Variants in CAMK4 observed in about 807,000 individuals in gnomAD.
CAMK4 encodes calcium/calmodulin-dependent protein kinase type IV.
In CAMK4, 22 loss-of-function variants were observed where a neutral mutation model predicts 44.9. The ratio of observed to expected loss-of-function variants is 0.49; its 90% confidence interval spans 0.35 to 0.70. The LOEUF (loss-of-function observed/expected upper bound fraction) is 0.70, where lower values mean the gene tolerates loss of function less well. Ranked by LOEUF, CAMK4 falls within the 30% of genes least tolerant of loss-of-function variation. The pLI is 0.01. For missense variants in CAMK4, 498 were observed against 586.8 expected (o/e 0.85, Z 1.56); for synonymous variants, 218 against 215.4 (o/e 1.01, Z -0.11).
At chr5:111,480,715 T>C (rs938095990) in intron 9 of CAMK4, among the ~76,000 whole-genome samples, 9 of 152,310 alleles carry the variant, frequency 5.9e-5, no homozygotes, top group African/African-American at 1.9e-4. Flanking sequence ...ATGATAATTG[T>C]ACCTATCTCT....
At chr5:111,456,467 G>A (rs1580777969) in intron 7 of CAMK4, among the ~76,000 whole-genome samples, 1 of 150,436 alleles carries the variant, frequency 6.6e-6, no homozygotes, top group Non-Finnish European at 1.5e-5. Flanking sequence ...CTCCAGCCTC[G>A]GCGACAGAGC....
At chr5:111,318,699 G>A (rs1036279113) in intron 1 of CAMK4, among the ~76,000 whole-genome samples, 1 of 152,096 alleles carries the variant, frequency 6.6e-6, no homozygotes, top group Non-Finnish European at 1.5e-5. Context: ...CTTAATGAAA[G>A]AATCAGATAA....
At chr5:111,368,214 A>G (rs1453438481) in intron 2 of CAMK4, among the ~76,000 whole-genome samples, 1 of 152,132 alleles carries the variant, frequency 6.6e-6, no homozygotes, top group African/African-American at 2.4e-5. Context: ...TCTTAAAGCC[A>G]TCTGTTGATG....
chr5:111,345,625 G>T (rs1382509199), intron 2 of CAMK4, among the ~76,000 whole-genome samples: 1 of 151,902 alleles, frequency 6.6e-6, no homozygotes, highest in Non-Finnish European at 1.5e-5. Context: ...ACTTTGAGAG[G>T]GAAGAGACAT....
At chr5:111,347,518 A>G (rs1230454794) in intron 2 of CAMK4, among the ~76,000 whole-genome samples, 2 of 151,932 alleles carry the variant, frequency 1.3e-5, no homozygotes, top group Admixed American at 1.3e-4. Context: ...ATCTCCCTAG[A>G]AGGAACTCAA....
intron 2 of CAMK4, among the ~76,000 whole-genome samples, chr5:111,344,972 G>A (rs1749807662): frequency 6.6e-6 from 1 of 151,814 alleles, no homozygotes; most frequent in Admixed American, 6.6e-5. Context: ...GAACAAATAT[G>A]TGAAATGTAT....
chr5:111,341,644 A>T (rs759952097), intron 1 of CAMK4, among the ~76,000 whole-genome samples: 11 of 151,360 alleles, frequency 7.3e-5, no homozygotes, highest in Admixed American at 1.3e-4. Context: ...AAATTTAGAA[A>T]TATGTAACAA....
intron 1 of CAMK4, among the ~76,000 whole-genome samples, chr5:111,238,713 T>C (rs1748853330): frequency 6.9e-6 from 1 of 145,716 alleles, no homozygotes; most frequent in Non-Finnish European, 1.5e-5. Context: ...TCCTCCCAGA[T>C]ACTGGGTAAA....
chr5:111,397,086 T>A (rs755035934), intron 5 of CAMK4, among the ~76,000 whole-genome samples: 20 of 152,240 alleles, frequency 1.3e-4, no homozygotes, highest in Middle Eastern at 3.2e-3. Context: ...TTATACATAA[T>A]AAATTAATCA....
chr5:111,224,644 G>T lies in CAMK4; in HGVS notation c.161G>T (p.Arg54Leu), dbSNP rs1324106270. ...TTCGAGGTGGAGTCGGAGCTGGGAC[G>T]GTAAGGCGCGGGCTCCGGCTGGGGA... Reference protein sequence around the residue: ...DFFEVESELGRGATSIVYRCK... With the variant: ...DFFEVESELGLGATSIVYRCK... Residue 54 changes from arginine to leucine, a missense_variant and splice_region_variant, in exon 1 of 11, where the codon CGG becomes CTG. Coordinates refer to ENST00000282356, the MANE Select transcript of CAMK4 (RefSeq NM_001744.6). The surrounding 1 kb of genome is among the most constrained non-coding windows in gnomAD (Gnocchi z 5.7). The T allele has an allele frequency of 1.2e-6, 2 of 1,603,780 alleles. No homozygotes were observed. Among genetic ancestry groups the T allele is most frequent in the Non-Finnish European group, 1.7e-6 (2 of 1,175,788 alleles).
intron 9 of CAMK4, among the ~76,000 whole-genome samples, chr5:111,480,090 A>G (rs74604625): frequency 0.03 from 4,621 of 152,134 alleles, 118 homozygotes; most frequent in Non-Finnish European, 0.046. Flanking sequence ...CTCCTGTGCC[A>G]TCACTCACTT....
chr5:111,338,074 A>G (rs760861246), intron 1 of CAMK4, among the ~76,000 whole-genome samples: 2 of 151,054 alleles, frequency 1.3e-5, no homozygotes, highest in Non-Finnish European at 3.0e-5. Context: ...CCAGCCATAC[A>G]TTTTCTCTGG....
chr5:111,446,644 A>T, intron 5 of CAMK4, 42 bp from the exon 6 acceptor site: 2 of 1,004,810 alleles, frequency 2.0e-6, no homozygotes, highest in South Asian at 2.9e-5. Flanking sequence ...CGAACCATAA[A>T]TAGCATTACA....
chr5:111,224,308 GCCCCCT>G (rs1748051359), upstream of CAMK4: 2 of 926,786 alleles, frequency 2.2e-6, no homozygotes, highest in African/African-American at 3.5e-5. This position sits in a 1 kb window ranked among gnomAD's most constrained non-coding sequence, Gnocchi z 5.7. Flanking sequence ...GCAGAGGCTC[GCCCCCT>G]TCCCCGCCCA....
In CAMK4 at chr5:111,374,900, A is replaced by G. The variant is rs140896596; in HGVS notation, c.291A>G (p.Ser97=). The change falls in exon 3 of 11, where the codon TCA becomes TCG. Residue 97 remains serine, a synonymous_variant. Transcript: ENST00000282356. The part of the protein sequence containing the change: ...RTEIGVLLRL[S]HPNIIKLKEI... Reference sequence around the variant, plus strand: ...AGATAGGAGTTCTTCTTCGCCTCTCACATCCAAACATTGTAAGTGGTTTTT... The same window carrying G: ...AGATAGGAGTTCTTCTTCGCCTCTCGCATCCAAACATTGTAAGTGGTTTTT... 304 of 1,610,372 alleles carry G rather than the reference A, an allele frequency of 1.9e-4. 2 individuals are homozygous for G. The South Asian group carries it at 2.1e-3, about 11-fold the overall frequency.
chr5:111,279,180 C>T (rs1460370195), intron 1 of CAMK4, among the ~76,000 whole-genome samples: 1 of 152,170 alleles, frequency 6.6e-6, no homozygotes, highest in Non-Finnish European at 1.5e-5. Flanking sequence ...TAGGCTTGAA[C>T]TTATTGTATA....
At chr5:111,380,534 G>T (rs1751374971) in intron 4 of CAMK4, among the ~76,000 whole-genome samples, 2 of 151,928 alleles carry the variant, frequency 1.3e-5, no homozygotes, top group East Asian at 1.9e-4. Context: ...CCTTCAAAAG[G>T]CCCCAATGTG....
chr5:111,450,641 A>G (rs928971575), intron 7 of CAMK4, among the ~76,000 whole-genome samples: 1 of 146,106 alleles, frequency 6.8e-6, no homozygotes, highest in African/African-American at 2.6e-5. Context: ...TGCAAAAAAT[A>G]ACCCGGCATG....
At chr5:111,398,292 G>GA (rs1752095102) in intron 5 of CAMK4, among the ~76,000 whole-genome samples, 2 of 152,172 alleles carry the variant, frequency 1.3e-5, no homozygotes, top group South Asian at 4.1e-4. Context: ...CTTGACTCAG[G>GA]CTTCCTTCCC....
Sources: gnomAD v4.1 joint callset for allele counts (sites outside exome capture counted in the v4.1 genomes callset) on GRCh38, gnomAD v4.1.1 for gene constraint, Gnocchi (gnomAD v3.1) non-coding constraint, MANE v1.5 for transcripts, NCBI Gene and HGNC (gene_info 2026-07-23, HGNC 2026-07-21) for gene names.